The following CCDC149 variants were observed in gnomAD, a reference collection of about 807,000 sequenced individuals.
CCDC149 encodes the protein coiled-coil domain containing 149.
A neutral mutation model predicts 59.9 loss-of-function variants in CCDC149; 45 were observed. The ratio of observed to expected loss-of-function variants is 0.75; its 90% CI spans 0.59 to 0.96. CCDC149 has a LOEUF of 0.96. CCDC149 is among the 40% of genes least tolerant of loss of function. The probability of loss-of-function intolerance (pLI) is 0.00; values close to 1 mark genes in which losing one functional copy is unlikely to be tolerated. For missense variants in CCDC149, 584 were observed against 664.7 expected (o/e 0.88, Z 1.33); for synonymous variants, 245 against 260.6 (o/e 0.94, Z 0.58).
chr4:24,872,493 GAATGGTATGCACCCACCA>G (rs1156459506), intron 3 of CCDC149, among the ~76,000 whole-genome samples: 1 of 152,082 alleles, frequency 6.6e-6, no homozygotes, highest in South Asian at 2.1e-4. Context: ...TGCACCCACA[GAATGGTATGCACCCACCA>G]AATGGTATGC....
chr4:24,809,230 G>C (rs941968039), intron 12 of CCDC149, among the ~76,000 whole-genome samples: 6 of 152,146 alleles, frequency 3.9e-5, no homozygotes, highest in African/African-American at 1.4e-4. Context: ...ATTGAGGGTG[G>C]GAAGAAGAAG....
chr4:24,860,652 C>T (rs1275585782), intron 3 of CCDC149, among the ~76,000 whole-genome samples: 2 of 152,154 alleles, frequency 1.3e-5, no homozygotes, highest in Non-Finnish European at 2.9e-5. Context: ...GCAGAGTAAA[C>T]AGACAACCCA....
intron 1 of CCDC149, among the ~76,000 whole-genome samples, chr4:24,941,576 A>C (rs1722954641): frequency 6.6e-6 from 1 of 152,324 alleles, no homozygotes; most frequent in African/African-American, 2.4e-5. Context: ...TCGAGACACA[A>C]AAAACCCTTC....
chr4:24,943,836 A>G (rs1723020725), intron 1 of CCDC149, among the ~76,000 whole-genome samples: 1 of 152,250 alleles, frequency 6.6e-6, no homozygotes, highest in African/African-American at 2.4e-5. Context: ...TGGCCATCAG[A>G]GAAATGCAAA....
Position 24,808,827 on chromosome 4 carries a change from C to G in CCDC149, c.1193-8G>C. On this transcript the variant is annotated splice_polypyrimidine_tract_variant and splice_region_variant and intron_variant, in intron 12 of 12. Transcript: ENST00000635206. ...CTTGCTTCTGAGCCTCCCCTGAAAA[C>G]AGAACGAGGACAACATTAAACCTCT... 2 of 1,540,776 alleles carry G rather than the reference C, an allele frequency of 1.3e-6. No homozygotes were observed. Among genetic ancestry groups the G allele is most frequent in the Non-Finnish European group, 1.8e-6 (2 of 1,142,464 alleles).
chr4:24,921,821 G>T (rs1446192710), intron 1 of CCDC149, among the ~76,000 whole-genome samples: 1 of 152,076 alleles, frequency 6.6e-6, no homozygotes, highest in African/African-American at 2.4e-5. Context: ...GTGGGTCCAG[G>T]GCTACACTGC....
At chr4:24,813,497 T>TATATATATATATATATATAC (rs1553846357) in intron 12 of CCDC149, among the ~76,000 whole-genome samples, 122 of 15,412 alleles carry the variant, frequency 7.9e-3, no homozygotes, top group African/African-American at 0.016. Context: ...GGAATATATA[T>TATATATATATATATATATAC]ATATATATAT....
chr4:24,839,695 G>A (rs1716817824), intron 4 of CCDC149, among the ~76,000 whole-genome samples: 1 of 152,182 alleles, frequency 6.6e-6, no homozygotes, highest in South Asian at 2.1e-4. Context: ...CTGTGTGAGA[G>A]GCCCAAGAAG....
intron 4 of CCDC149, 43 bp downstream of exon 4, chr4:24,853,028 AC>A (rs1200550653): frequency 8.0e-7 from 1 of 1,245,502 alleles, no homozygotes; most frequent in Non-Finnish European, 1.2e-6. Flanking sequence ...CCTCGAACGC[AC>A]AATGTTGCAG....
At chr4:24,949,371 G>T (rs1240354962) in intron 1 of CCDC149, among the ~76,000 whole-genome samples, 1 of 139,296 alleles carries the variant, frequency 7.2e-6, no homozygotes, top group Non-Finnish European at 1.5e-5. Flanking sequence ...CTGATCCTGT[G>T]CAGAAAGACA....
intron 1 of CCDC149, among the ~76,000 whole-genome samples, chr4:24,918,801 A>G (rs1722205333): frequency 6.6e-6 from 1 of 152,170 alleles, no homozygotes; most frequent in Non-Finnish European, 1.5e-5. Context: ...ATGGTGTGTC[A>G]GTGTATTGGG....
At chr4:24,884,773 T>C (rs1008869889) in intron 1 of CCDC149, among the ~76,000 whole-genome samples, 3 of 152,248 alleles carry the variant, frequency 2.0e-5, no homozygotes, top group Non-Finnish European at 2.9e-5. Context: ...GAATTAAGAG[T>C]TAGTATATGT....
chr4:24,979,027 C>T (rs560952726), intron 1 of CCDC149, among the ~76,000 whole-genome samples: 1 of 152,230 alleles, frequency 6.6e-6, no homozygotes, highest in South Asian at 2.1e-4. Context: ...ACAGGAATTG[C>T]AGGGAACACT....
intron 1 of CCDC149, among the ~76,000 whole-genome samples, chr4:24,911,907 G>A (rs1721894662): frequency 6.6e-6 from 1 of 152,210 alleles, no homozygotes; most frequent in Non-Finnish European, 1.5e-5. Context: ...AGAAAAGGAA[G>A]CCCCAAGTTG....
At chr4:24,844,162 T>C (rs1218253391) in intron 4 of CCDC149, among the ~76,000 whole-genome samples, 1 of 152,080 alleles carries the variant, frequency 6.6e-6, no homozygotes, top group Non-Finnish European at 1.5e-5. Flanking sequence ...TTACCAGAAA[T>C]AATCGCGTTC....
intron 1 of CCDC149, among the ~76,000 whole-genome samples, chr4:24,879,378 A>G (rs1199741555): frequency 6.6e-6 from 1 of 152,096 alleles, no homozygotes; most frequent in Non-Finnish European, 1.5e-5. Context: ...TTAGCCAGGC[A>G]TGGTGGCATG....
intron 4 of CCDC149, among the ~76,000 whole-genome samples, chr4:24,847,029 A>T (rs915169761): frequency 3.9e-5 from 6 of 152,216 alleles, no homozygotes; most frequent in African/African-American, 1.4e-4. Context: ...AGTTCCCAGG[A>T]GCTTGGCACC....
chr4:24,920,118 G>T (rs1243245247), intron 1 of CCDC149, among the ~76,000 whole-genome samples: 1 of 152,244 alleles, frequency 6.6e-6, no homozygotes, highest in Admixed American at 6.5e-5. Flanking sequence ...AATTCTGGTT[G>T]TCTATTGCTA....
chr4:24,960,037 T>C (rs1339457949), intron 1 of CCDC149, among the ~76,000 whole-genome samples: 1 of 152,182 alleles, frequency 6.6e-6, no homozygotes, highest in African/African-American at 2.4e-5. Context: ...TTTTAATAGA[T>C]AATATTTCAA....
Sources: allele counts gnomAD v4.1 joint callset (sites outside exome capture counted in the v4.1 genomes callset), GRCh38; gene constraint gnomAD v4.1.1; transcripts MANE v1.5; gene names NCBI Gene and HGNC (gene_info 2026-07-23, HGNC 2026-07-21).